The following UBXN8 variants were observed in gnomAD, a reference collection of about 807,000 sequenced individuals.
UBXN8 encodes the protein UBX domain protein 8.
A neutral mutation model predicts 32.1 loss-of-function variants in UBXN8; 27 were observed. That is an observed-to-expected ratio of 0.84 (90% CI 0.62 to 1.16). The LOEUF is 1.16. UBXN8 is among the 50% of genes most tolerant of loss of function. The pLI is 0.00. For missense variants in UBXN8, 306 were observed against 311.4 expected (o/e 0.98, Z 0.13); for synonymous variants, 109 against 111.8 (o/e 0.98, Z 0.16).
intron 1 of UBXN8, among the ~76,000 whole-genome samples, chr8:30,735,676 TA>T (rs538763235): frequency 2.5e-3 from 383 of 152,196 alleles, no homozygotes; most frequent in African/African-American, 8.6e-3. Flanking sequence ...CTGTCTCTAC[TA>T]AAAATACAAA....
upstream of UBXN8, among the ~76,000 whole-genome samples, chr8:30,742,074 T>G (rs145133568): frequency 9.3e-4 from 141 of 152,148 alleles, no homozygotes; most frequent in African/African-American, 3.2e-3. Flanking sequence ...TTATGCATGA[T>G]GAACACAAGA....
intron 3 of UBXN8, among the ~76,000 whole-genome samples, chr8:30,753,882 C>T (rs1028450223): frequency 2.0e-5 from 3 of 147,628 alleles, no homozygotes; most frequent in South Asian, 4.2e-4. Context: ...ATGGGATCTT[C>T]CTGCCTCAGC....
intron 5 of UBXN8, among the ~76,000 whole-genome samples, chr8:30,758,085 A>G (rs1805711390): frequency 6.6e-6 from 1 of 151,768 alleles, no homozygotes; most frequent in African/African-American, 2.4e-5. Context: ...TTTAGTAGAG[A>G]CGGGGTTTCA....
chr8:30,746,525 T>C lies in UBXN8; in HGVS notation c.88+2248T>C, dbSNP rs548923437. ...TTGTACTTAAGCTAGATTTTTTTTT[T>C]CTTTTTTTTTTTTTTGAGACGGAGT... On this transcript the variant is annotated intron_variant, in intron 1 of 7. Coordinates refer to ENST00000265616, the MANE Select transcript of UBXN8 (RefSeq NM_005671.4). 4.0e-3 allele frequency among the ~76,000 whole-genome samples: 539 copies of C among 135,078 alleles called. 44 individuals are homozygous for C. The highest frequency in any genetic ancestry group is 0.015 in the African/African-American group (496 of 33,804). 88.6% of individuals were successfully genotyped at this position (135,078 alleles called of 152,430 possible). A position where few individuals can be genotyped will look rare whatever the true frequency, so the allele number is the denominator to read the frequency against.
chr8:30,752,261 C>A (rs1805539322), intron 2 of UBXN8, among the ~76,000 whole-genome samples: 1 of 152,078 alleles, frequency 6.6e-6, no homozygotes, highest in Admixed American at 6.6e-5. Context: ...TACTTAGGCA[C>A]CTTTGTCTTT....
At chr8:30,738,813 A>G (rs10955041) in intron 1 of UBXN8, among the ~76,000 whole-genome samples, 36,927 of 141,894 alleles carry the variant, frequency 0.26, 5,488 homozygotes, top group African/African-American at 0.42. Context: ...AAAATTAGCC[A>G]GGCGTGGTGG....
intron 1 of UBXN8, among the ~76,000 whole-genome samples, chr8:30,747,894 C>CTTTTTTTTTTTTTTTTTTTTTTT (rs67334347): frequency 3.6e-4 from 13 of 35,636 alleles, no homozygotes; most frequent in Admixed American, 3.6e-4. Flanking sequence ...TATATTTTTT[C>CTTTTTTTTTTTTTTTTTTTTTTT]TTTTTTTTTT....
intron 7 of UBXN8, among the ~76,000 whole-genome samples, chr8:30,765,319 G>A (rs1459322934): frequency 6.6e-6 from 1 of 151,818 alleles, no homozygotes; most frequent in Non-Finnish European, 1.5e-5. Flanking sequence ...TGTCACCAAG[G>A]CTGAAGCACA....
At chr8:30,756,661 T>C in intron 4 of UBXN8, 104 bp from the exon 5 acceptor site, 1 of 1,495,288 alleles carries the variant, frequency 6.7e-7, no homozygotes, top group South Asian at 1.3e-5. Context: ...ATTTTTCTAC[T>C]GATATGCCAT....
intron 7 of UBXN8, among the ~76,000 whole-genome samples, chr8:30,764,477 C>T (rs1183165782): frequency 1.3e-5 from 2 of 152,070 alleles, no homozygotes; most frequent in Non-Finnish European, 2.9e-5. Flanking sequence ...GCCCATTTTA[C>T]TATTTATGTA....
upstream of UBXN8, among the ~76,000 whole-genome samples, chr8:30,741,491 C>CTATTGCTG (rs1173455430): frequency 3.0e-5 from 4 of 135,078 alleles, no homozygotes; most frequent in African/African-American, 1.2e-4. Context: ...GAGTCTCACT[C>CTATTGCTG]TATTGCCCAG....
intron 1 of UBXN8, among the ~76,000 whole-genome samples, chr8:30,744,744 T>C (rs1805320016): frequency 6.6e-6 from 1 of 152,056 alleles, no homozygotes; most frequent in Admixed American, 6.5e-5. Flanking sequence ...GCCCTAGGTT[T>C]AAATAAGGGG....
At chr8:30,735,253 G>C (rs565827453) in intron 1 of UBXN8, among the ~76,000 whole-genome samples, 146 of 152,292 alleles carry the variant, frequency 9.6e-4, no homozygotes, top group African/African-American at 3.4e-3. Flanking sequence ...TTAAACAGCT[G>C]GTGAATGGCA....
upstream of UBXN8, among the ~76,000 whole-genome samples, chr8:30,730,795 G>T (rs1360895356): frequency 1.3e-5 from 2 of 152,206 alleles, no homozygotes. Context: ...GATTAACATG[G>T]CTTTAGTTAG....
chr8:30,764,166 A>G (rs933259807), intron 7 of UBXN8, among the ~76,000 whole-genome samples: 1 of 152,226 alleles, frequency 6.6e-6, no homozygotes, highest in Non-Finnish European at 1.5e-5. Flanking sequence ...GTGCATTAAA[A>G]ATATATGTAA....
chr8:30,739,947 G>A (rs2956022), upstream of UBXN8, among the ~76,000 whole-genome samples: 2 of 152,142 alleles, frequency 1.3e-5, no homozygotes, highest in African/African-American at 2.4e-5. Context: ...TGTCGCCCAG[G>A]CTGGAGTGCA....
At chr8:30,757,991 A>C (rs1377568379) in intron 5 of UBXN8, among the ~76,000 whole-genome samples, 1 of 151,542 alleles carries the variant, frequency 6.6e-6, no homozygotes, top group Non-Finnish European at 1.5e-5. Flanking sequence ...GGTTCACACC[A>C]TTCTCACCAT....
At chr8:30,738,519 G>A (rs971969639) in intron 1 of UBXN8, among the ~76,000 whole-genome samples, 3 of 151,634 alleles carry the variant, frequency 2.0e-5, no homozygotes, top group African/African-American at 4.8e-5. Flanking sequence ...AAAATTAGCC[G>A]GCATGGTGGC....
At chr8:30,764,826 C>T (rs181029073) in intron 7 of UBXN8, among the ~76,000 whole-genome samples, 9 of 152,200 alleles carry the variant, frequency 5.9e-5, no homozygotes, top group Admixed American at 2.6e-4. Flanking sequence ...CTGAGGCAAG[C>T]GGATCATGAG....
Sources: allele counts gnomAD v4.1 joint callset (sites outside exome capture counted in the v4.1 genomes callset), GRCh38; gene constraint gnomAD v4.1.1; transcripts MANE v1.5; gene names NCBI Gene and HGNC (gene_info 2026-07-23, HGNC 2026-07-21).